The following CCSER2 variants were observed in gnomAD, a reference collection of about 807,000 sequenced individuals.
CCSER2 encodes the protein coiled-coil serine rich protein 2, also known as serine-rich coiled-coil domain-containing protein 2.
CCSER2 carries 46 observed loss-of-function variants against 92.3 expected under a neutral mutation model. That is an observed-to-expected ratio of 0.50 (90% CI 0.39 to 0.64). The LOEUF (loss-of-function observed/expected upper bound fraction) is 0.64, where lower values mean the gene tolerates loss of function less well. Among genes scored for constraint, CCSER2 ranks in the 30% least tolerant of loss-of-function variants. The probability of loss-of-function intolerance (pLI) is 0.00; values close to 1 mark genes in which losing one functional copy is unlikely to be tolerated. For missense variants in CCSER2, 1,244 were observed against 1,238.9 expected (o/e 1.00, Z -0.06); for synonymous variants, 433 against 431.4 (o/e 1.00, Z -0.04).
chr10:84,394,382 AGTATGTGTGTGTGTGTGT>A (rs1841705807), intron 3 of CCSER2, among the ~76,000 whole-genome samples: 1 of 91,118 alleles, frequency 1.1e-5, no homozygotes, highest in African/African-American at 2.8e-5. Context: ...ACAAAAGGAA[AGTATGTGTGTGTGTGTGT>A]GTGTGTGTGT....
rs755759478 is a variant in CCSER2, at chr10:84,371,903, A to C, written c.851A>C (p.Glu284Ala). The change falls in exon 2 of 10, where the codon GAA (glutamate) becomes GCA (alanine). Residue 284 changes from glutamate (E) to alanine (A), a missense_variant. Glu to Ala is a moderately radical substitution (Grantham distance 107). Coordinates refer to ENST00000372088, the MANE Select transcript of CCSER2 (RefSeq NM_001284240.2). Reference protein sequence around the residue: ...SRQPEVLNGNEHLGYGFNRPY... With the variant: ...SRQPEVLNGNAHLGYGFNRPY... ...CAGCCAGAAGTACTCAATGGGAATG[A>C]ACATTTGGGGTATGGATTTAATAGG... 15 of 1,613,930 alleles carry C rather than the reference A, an allele frequency of 9.3e-6. No homozygotes were observed. The East Asian group carries it at 2.9e-4, about 31-fold the overall frequency.
Position 84,463,991 on chromosome 10 carries a change from CAGA to C in CCSER2, c.2127_2129del (p.Glu709del). On this transcript the variant is annotated inframe_deletion, in exon 7 of 10. Coordinates refer to ENST00000372088, the MANE Select transcript of CCSER2 (RefSeq NM_001284240.2). The stretch of plus-strand genomic sequence containing the variant: ...CTGTCATTGCCATCCAGTCCAGAAC[CAGA>C]AGATGGTGATAAAGTATATAAGGTA... The C allele has an allele frequency of 1.2e-6, 2 of 1,608,664 alleles. No homozygotes were observed. The highest frequency in any genetic ancestry group is 1.7e-4 in the Middle Eastern group (1 of 6,046).
intron 8 of CCSER2, among the ~76,000 whole-genome samples, chr10:84,476,495 A>C (rs573107164): frequency 8.6e-6 from 1 of 115,940 alleles, no homozygotes; most frequent in Non-Finnish European, 1.6e-5. Flanking sequence ...CCCAGGCTGG[A>C]GTGCAGTGGT....
intron 7 of CCSER2, among the ~76,000 whole-genome samples, chr10:84,464,427 G>T (rs1846274597): frequency 1.9e-5 from 1 of 51,618 alleles, no homozygotes; most frequent in South Asian, 6.7e-4. Context: ...ATTTTTGTGA[G>T]TGAAAGTGTT....
At chr10:84,482,236 A>G (rs1589779986) in intron 9 of CCSER2, among the ~76,000 whole-genome samples, 1 of 152,178 alleles carries the variant, frequency 6.6e-6, no homozygotes, top group East Asian at 1.9e-4. Flanking sequence ...CTTCCAGAGG[A>G]AAGTGGGGCA....
intron 1 of CCSER2, among the ~76,000 whole-genome samples, chr10:84,366,057 T>C (rs527709105): frequency 6.6e-6 from 1 of 152,336 alleles, no homozygotes; most frequent in South Asian, 2.1e-4. Flanking sequence ...ATCATGTCAC[T>C]ACTTCAGAAG....
chr10:84,351,228 G>GT, intron 1 of CCSER2, among the ~76,000 whole-genome samples: 1 of 151,752 alleles, frequency 6.6e-6, no homozygotes. Flanking sequence ...ATAGGGAGAA[G>GT]TTTTTTTGTT....
chr10:84,453,967 T>C (rs1034635948), intron 6 of CCSER2, among the ~76,000 whole-genome samples: 1 of 152,194 alleles, frequency 6.6e-6, no homozygotes, highest in Non-Finnish European at 1.5e-5. Context: ...TTTACTTGCT[T>C]TTAGCTGTTT....
At chr10:84,452,728 G>A (rs1845367540) in intron 6 of CCSER2, among the ~76,000 whole-genome samples, 1 of 152,136 alleles carries the variant, frequency 6.6e-6, no homozygotes, top group Admixed American at 6.5e-5. Context: ...ATAAATGTTA[G>A]CTCTTTAGTA....
intron 9 of CCSER2, among the ~76,000 whole-genome samples, chr10:84,510,049 T>A (rs1245954025): frequency 6.6e-6 from 1 of 152,170 alleles, no homozygotes; most frequent in Non-Finnish European, 1.5e-5. Context: ...ATTCCTCTTC[T>A]TAAAATTCAT....
rs562597060 is a variant in CCSER2, at chr10:84,474,323, GAGTTC to G, written c.2236-3251_2236-3247del. Among the ~76,000 whole-genome samples the G allele has an allele frequency of 3.2e-3, 488 of 152,200 alleles. 10 individuals carry two copies. Among genetic ancestry groups the G allele is most frequent in the Admixed American group, 0.024 (369 of 15,286 alleles). On this transcript the variant is annotated intron_variant, in intron 8 of 9. Coordinates refer to ENST00000372088, the MANE Select transcript of CCSER2 (RefSeq NM_001284240.2). ...AATTTATAGCCATGTTCTCTGAAGG[GAGTTC>G]TATAATCTCTCCTAAGCCCCTTCTG...
At chr10:84,446,256 A>G (rs1677761666) in intron 6 of CCSER2, among the ~76,000 whole-genome samples, 1 of 152,204 alleles carries the variant, frequency 6.6e-6, no homozygotes, top group Non-Finnish European at 1.5e-5. Flanking sequence ...CTACTTCAGG[A>G]TGCTTGTTTT....
chr10:84,351,228 G>A (rs1435546888), intron 1 of CCSER2, among the ~76,000 whole-genome samples: 7 of 151,640 alleles, frequency 4.6e-5, no homozygotes, highest in Admixed American at 4.6e-4. Context: ...ATAGGGAGAA[G>A]TTTTTTTGTT....
intron 8 of CCSER2, among the ~76,000 whole-genome samples, chr10:84,476,435 CTTTTTTTTTTTTTTT>C (rs35978182): frequency 5.1e-5 from 3 of 58,510 alleles, no homozygotes; most frequent in African/African-American, 2.0e-4. Flanking sequence ...AATTCTCTCT[CTTTTTTTTTTTTTTT>C]TTTTTTTTTT....
intron 1 of CCSER2, among the ~76,000 whole-genome samples, chr10:84,339,075 C>T (rs891395669): frequency 1.3e-5 from 2 of 152,014 alleles, no homozygotes; most frequent in Admixed American, 6.5e-5. Flanking sequence ...TTCTGTGGCT[C>T]CCTATTCTCT....
chr10:84,386,584 G>A (rs536606443), intron 3 of CCSER2, among the ~76,000 whole-genome samples: 20 of 152,244 alleles, frequency 1.3e-4, no homozygotes, highest in African/African-American at 4.3e-4. Context: ...AGACATGGTG[G>A]CACAAATGCC....
chr10:84,485,156 A>AT (rs1220662890), intron 9 of CCSER2, among the ~76,000 whole-genome samples: 2 of 152,240 alleles, frequency 1.3e-5, no homozygotes, highest in Admixed American at 6.5e-5. Context: ...AATTTTCCAC[A>AT]TTAGTTACAT....
At chr10:84,494,544 G>T (rs1848341801) in intron 9 of CCSER2, among the ~76,000 whole-genome samples, 1 of 152,112 alleles carries the variant, frequency 6.6e-6, no homozygotes, top group African/African-American at 2.4e-5. Flanking sequence ...AGATGGAATT[G>T]CTCTGATTCA....
intron 9 of CCSER2, among the ~76,000 whole-genome samples, chr10:84,500,244 T>C (rs1188795): frequency 2.0e-5 from 3 of 152,238 alleles, no homozygotes; most frequent in Non-Finnish European, 2.9e-5. Context: ...CATCTGTCTT[T>C]AATGCATTTT....
Sources: gnomAD v4.1 joint callset for allele counts (sites outside exome capture counted in the v4.1 genomes callset) on GRCh38, gnomAD v4.1.1 for gene constraint, MANE v1.5 for transcripts, NCBI Gene and HGNC (gene_info 2026-07-23, HGNC 2026-07-21) for gene names.